Variants in APLP1 observed in about 807,000 individuals in gnomAD.
APLP1 encodes amyloid beta (A4) precursor-like protein 1.
A neutral mutation model predicts 84.5 loss-of-function variants in APLP1; 46 were observed. That is an observed-to-expected ratio of 0.54 (90% CI 0.43 to 0.70). The LOEUF (loss-of-function observed/expected upper bound fraction) is 0.70, where lower values mean the gene tolerates loss of function less well. Among genes scored for constraint, APLP1 ranks in the 30% least tolerant of loss-of-function variants. The probability of loss-of-function intolerance (pLI) is 0.00; values close to 1 mark genes in which losing one functional copy is unlikely to be tolerated. For missense variants in APLP1, 826 were observed against 900.2 expected (o/e 0.92, Z 1.05); for synonymous variants, 376 against 364.0 (o/e 1.03, Z -0.38).
intron 4 of APLP1, 82 bp downstream of exon 4, chr19:35,871,431 G>A (rs1974144503): frequency 7.2e-7 from 1 of 1,398,408 alleles, no homozygotes. Flanking sequence ...CAGAACCGAG[G>A]AGTCTGGGCC....
intron 1 of APLP1, 39 bp from the exon 2 acceptor site, chr19:35,869,628 G>GC (rs767330248): frequency 1.3e-5 from 21 of 1,605,758 alleles, no homozygotes; most frequent in Non-Finnish European, 1.4e-5. Flanking sequence ...TCATGCCAAC[G>GC]CCCCCCGAGC....
chr19:35,871,373 C>G (rs775164064), intron 4 of APLP1, 24 bp downstream of exon 4: 1 of 1,578,046 alleles, frequency 6.3e-7, no homozygotes, highest in East Asian at 2.3e-5. Context: ...CCCACCCGTC[C>G]CCAGCCCCCA....
rs1424807670 is a variant in APLP1, at chr19:35,878,614, A to C, written c.1610A>C (p.Glu537Ala). Residue 537 changes from glutamate (E) to alanine (A), a missense_variant, in exon 14 of 17, where the codon GAG becomes GCG. Physicochemically the swap from Glu to Ala is moderately radical, Grantham distance 107. Transcript: ENST00000221891. ...GSTEQDAASPEKEKMNPLEQY... is the reference protein window; with the variant it reads ...GSTEQDAASPAKEKMNPLEQY... ...ACAGAACAAGATGCTGCATCCCCTG[A>C]GAAAGAGAAGATGAACCCGCTGGAA... The C allele has an allele frequency of 6.2e-7, 1 of 1,614,012 alleles. No individual in the cohort carries two copies. Among genetic ancestry groups the C allele is most frequent in the East Asian group, 2.2e-5 (1 of 44,868 alleles).
At chr19:35,875,869 T>C (rs1235054843) in intron 10 of APLP1, among the ~76,000 whole-genome samples, 1 of 151,780 alleles carries the variant, frequency 6.6e-6, no homozygotes, top group African/African-American at 2.4e-5. Flanking sequence ...TCTGCCCACC[T>C]CGGCCTCCCA....
chr19:35,872,225 G>A (rs1974172723), intron 6 of APLP1, among the ~76,000 whole-genome samples, 189 bp downstream of exon 6: 1 of 151,892 alleles, frequency 6.6e-6, no homozygotes, highest in East Asian at 1.9e-4. Context: ...GTGGTTTGGG[G>A]GTACTTGGGA....
At position 35,873,706 on chromosome 19, in the gene APLP1, T is replaced by C. The variant is rs1974214743; in HGVS notation, c.1049T>C (p.Leu350Pro). 5 of 1,613,860 alleles carry C rather than the reference T, an allele frequency of 3.1e-6. No homozygotes were observed. In the South Asian group the frequency reaches 5.5e-5, roughly 18 times the overall value. ...CTGCCTAAAGCCGACAGACAGGCCC[T>C]GAATGAGGTAGGACAGCCCCAGTGG... ...KNLPKADRQA[L>P]NEHFQSILQT... is the part of the protein sequence containing the mutation. The change falls in exon 8 of 17, where the codon CTG (leucine) becomes CCG (proline). Residue 350 changes from leucine to proline, a missense_variant. Physicochemically the swap from Leu to Pro is moderately conservative, Grantham distance 98. This residue lies in a region of APLP1 where 433 missense variants were observed against 496.5 expected (regional missense o/e 0.87). Transcript: ENST00000221891.
intron 6 of APLP1, 150 bp from the exon 7 acceptor site, chr19:35,872,333 G>T: frequency 1.8e-6 from 2 of 1,136,138 alleles, no homozygotes; most frequent in South Asian, 3.0e-5. Context: ...GCCCAGTCCA[G>T]AACTACATCT....
Position 35,871,324 on chromosome 19 carries a change from C to A in APLP1, c.512C>A (p.Thr171Asn). The A allele has an allele frequency of 6.2e-7, 1 of 1,612,522 alleles. No homozygotes were observed. The highest frequency in any genetic ancestry group is 8.5e-7 in the Non-Finnish European group (1 of 1,179,408). The change falls in exon 4 of 17, where the codon ACC becomes AAC. Residue 171 changes from threonine (T) to asparagine (N), a missense_variant. Thr to Asn is a moderately conservative substitution (Grantham distance 65). Transcript: ENST00000221891. ...CGCATGGACCAATGTGAGAGTTCAA[C>A]CCGGAGGCATCAGGAGGCACAGGAG... Reference protein sequence around the residue: ...QERMDQCESSTRRHQEAQEAC... With the variant: ...QERMDQCESSNRRHQEAQEAC...
intron 4 of APLP1, 125 bp from the exon 5 acceptor site, chr19:35,871,487 A>C (rs898912146): frequency 7.1e-7 from 1 of 1,407,398 alleles, no homozygotes; most frequent in Non-Finnish European, 9.9e-7. Context: ...TCATCCCCCA[A>C]CCCCTTCCTC....
At chr19:35,876,674 T>C in intron 11 of APLP1, 58 bp downstream of exon 11, 1 of 1,389,334 alleles carries the variant, frequency 7.2e-7, no homozygotes, top group Non-Finnish European at 9.8e-7. Flanking sequence ...TCTTGACTCC[T>C]AAATGTTGGG....
At chr19:35,869,441 G>A in intron 1 of APLP1, 1 of 682,634 alleles carries the variant, frequency 1.5e-6, no homozygotes, top group South Asian at 1.6e-5. Flanking sequence ...GCGGCAACAA[G>A]GCAGAAAGAA....
intron 2 of APLP1, 128 bp downstream of exon 2, chr19:35,869,938 T>C: frequency 8.2e-7 from 1 of 1,223,142 alleles, no homozygotes. Flanking sequence ...GAGGCGCAAC[T>C]ATGCTAGGGG....
Position 35,870,980 on chromosome 19 carries a change from G to C in APLP1, c.376G>C (p.Gly126Arg). The change falls in exon 3 of 17, where the codon GGC (glycine) becomes CGC (arginine). Residue 126 changes from glycine to arginine, a missense_variant. Gly to Arg is a moderately radical substitution (Grantham distance 125). Transcript: ENST00000221891. ...GCGCTGGTGCGGGGGTTCCCGGAGC[G>C]GCAGCTGCGCCCACCCCCACCACCA... The part of the protein sequence containing the change: ...MERWCGGSRS[G>R]SCAHPHHQVV... 1 of 1,567,002 alleles carries C rather than the reference G, an allele frequency of 6.4e-7. No individual in the cohort carries two copies. The highest frequency in any genetic ancestry group is 1.2e-5 in the South Asian group (1 of 84,616).
In APLP1 at chr19:35,879,433, C is replaced by A. The variant is rs373885022; in HGVS notation, c.1948C>A (p.Arg650=). The A allele has an allele frequency of 2.9e-5, 46 of 1,613,024 alleles. No individual in the cohort carries two copies. The highest frequency in any genetic ancestry group is 3.8e-5 in the Non-Finnish European group (45 of 1,179,972). ...ENPTYRFLEE[R]P ...CCCCACTTACCGCTTCCTGGAGGAA[C>A]GACCCTGACCCGGCCCCCTTCACCC... The change falls in exon 17 of 17, where the codon CGA becomes AGA. Residue 650 remains arginine, a synonymous_variant. Coordinates refer to ENST00000221891, the MANE Select transcript of APLP1 (RefSeq NM_001024807.3).
intron 13 of APLP1, 63 bp downstream of exon 13, chr19:35,878,171 A>G: frequency 6.5e-7 from 1 of 1,550,170 alleles, no homozygotes; most frequent in Non-Finnish European, 8.8e-7. Context: ...CCAGAAGGAA[A>G]CAGGGTCCAT....
chr19:35,879,609 T>C lies in APLP1; in HGVS notation c.*168T>C. 1.6e-6 allele frequency: 1 copy of C among 614,566 alleles called. No individual in the cohort carries two copies. The highest frequency in any genetic ancestry group is 2.8e-6 in the Non-Finnish European group (1 of 356,270). 38.1% of individuals were successfully genotyped at this position (614,566 alleles called of 1,614,324 possible). On this transcript the variant is annotated 3_prime_UTR_variant, in exon 17 of 17. Coordinates refer to ENST00000221891, the MANE Select transcript of APLP1 (RefSeq NM_001024807.3). ...TCCCCTTTCCAATTCCAAAATTCCA[T>C]CCCTAAGAATTCCCAGATAGTCCCA...
intron 1 of APLP1, 94 bp from the exon 2 acceptor site, chr19:35,869,573 G>A: frequency 1.3e-6 from 2 of 1,501,650 alleles, no homozygotes; most frequent in East Asian, 2.4e-5. Flanking sequence ...GGAGGGGGCT[G>A]GTGCTGGGGG....
rs904105906 is a variant in APLP1, at chr19:35,874,026, T to G, written c.1056+313T>G. On this transcript the variant is annotated intron_variant, in intron 8 of 16. Coordinates refer to ENST00000221891, the MANE Select transcript of APLP1 (RefSeq NM_001024807.3). The surrounding 1 kb of genome is among the most constrained non-coding windows in gnomAD (Gnocchi z 6.4). Reference sequence around the variant, plus strand: ...CAGGGCCTTCTTGGTCTCTCTTTGATGCATTTATGTCTCTATCAGGCCCCG... The same window carrying G: ...CAGGGCCTTCTTGGTCTCTCTTTGAGGCATTTATGTCTCTATCAGGCCCCG... Among the ~76,000 whole-genome samples the G allele has an allele frequency of 1.3e-5, 2 of 152,194 alleles. No individual in the cohort carries two copies. Among genetic ancestry groups the G allele is most frequent in the Non-Finnish European group, 1.5e-5 (1 of 68,038 alleles).
rs1007685966 is a variant in APLP1 at position 35,879,615 on chromosome 19, A to T, written c.*174A>T. 3.6e-5 allele frequency: 22 copies of T among 604,846 alleles called. No individual in the cohort carries two copies. The highest frequency in any genetic ancestry group is 2.6e-4 in the African/African-American group (14 of 53,630). 37.5% of individuals were successfully genotyped at this position (604,846 alleles called of 1,614,324 possible). A position where few individuals can be genotyped will look rare whatever the true frequency, so the allele number is the denominator to read the frequency against. On this transcript the variant is annotated 3_prime_UTR_variant, in exon 17 of 17. Coordinates refer to ENST00000221891, the MANE Select transcript of APLP1 (RefSeq NM_001024807.3). Reference sequence around the variant, plus strand: ...TTCCAATTCCAAAATTCCATCCCTAAGAATTCCCAGATAGTCCCAGCAGCC... The same window carrying T: ...TTCCAATTCCAAAATTCCATCCCTATGAATTCCCAGATAGTCCCAGCAGCC...
Sources: allele counts gnomAD v4.1 joint callset (sites outside exome capture counted in the v4.1 genomes callset), GRCh38; gene constraint gnomAD v4.1.1; regional missense constraint gnomAD v4.1.1; non-coding constraint Gnocchi (gnomAD v3.1); transcripts MANE v1.5; gene names NCBI Gene and HGNC (gene_info 2026-07-23, HGNC 2026-07-21).